Variants in HNF4G observed in about 807,000 individuals in gnomAD.
HNF4G encodes the protein hepatocyte nuclear factor 4 gamma.
A neutral mutation model predicts 50.9 loss-of-function variants in HNF4G; 21 were observed. The ratio of observed to expected loss-of-function variants is 0.41; its 90% confidence interval spans 0.29 to 0.59. The LOEUF (loss-of-function observed/expected upper bound fraction) is 0.59, where lower values mean the gene tolerates loss of function less well. Among genes scored for constraint, HNF4G ranks in the 20% least tolerant of loss-of-function variants. HNF4G has a pLI of 0.26. For missense variants in HNF4G, 527 were observed against 559.4 expected (o/e 0.94, Z 0.58); for synonymous variants, 198 against 185.6 (o/e 1.07, Z -0.54).
intron 9 of HNF4G, among the ~76,000 whole-genome samples, chr8:75,560,738 G>C (rs540754127): frequency 6.6e-6 from 1 of 152,272 alleles, no homozygotes; most frequent in African/African-American, 2.4e-5. Flanking sequence ...GCTTTGCATG[G>C]TAGTGTGAGA....
intron 2 of HNF4G, among the ~76,000 whole-genome samples, chr8:75,545,273 A>T (rs1164903321): frequency 1.2e-5 from 1 of 82,334 alleles, no homozygotes; most frequent in Non-Finnish European, 2.5e-5. Flanking sequence ...GTGTGTGTGT[A>T]AAATGATGAT....
intron 1 of HNF4G, among the ~76,000 whole-genome samples, chr8:75,482,580 C>G (rs1459875236): frequency 6.6e-6 from 1 of 152,168 alleles, no homozygotes; most frequent in Non-Finnish European, 1.5e-5. Context: ...GTTGCCCAGG[C>G]TGGTCTTGAA....
At chr8:75,437,022 C>A (rs539776468) in intron 1 of HNF4G, among the ~76,000 whole-genome samples, 1 of 152,230 alleles carries the variant, frequency 6.6e-6, no homozygotes, top group East Asian at 1.9e-4. Context: ...TCAGCCTGGG[C>A]TGAGCATCAG....
intron 1 of HNF4G, among the ~76,000 whole-genome samples, chr8:75,487,229 T>C (rs1302406596): frequency 6.6e-6 from 1 of 152,158 alleles, no homozygotes; most frequent in Non-Finnish European, 1.5e-5. Flanking sequence ...TGTAATTGTA[T>C]GTGTAGATCA....
At chr8:75,470,425 A>T (rs1812088357) in intron 1 of HNF4G, among the ~76,000 whole-genome samples, 1 of 152,162 alleles carries the variant, frequency 6.6e-6, no homozygotes, top group South Asian at 2.1e-4. Context: ...TTCCAATTGT[A>T]GTCTATTATA....
chr8:75,533,074 T>G (rs1806371231), intron 2 of HNF4G, among the ~76,000 whole-genome samples: 1 of 152,152 alleles, frequency 6.6e-6, no homozygotes, highest in South Asian at 2.1e-4. Context: ...TAGAAAAGCA[T>G]TTGACACATA....
chr8:75,466,744 G>A (rs1811998909), intron 1 of HNF4G, among the ~76,000 whole-genome samples: 1 of 148,632 alleles, frequency 6.7e-6, no homozygotes, highest in Non-Finnish European at 1.5e-5. Context: ...CCCAGGCTGA[G>A]TGTGATTTCA....
intron 1 of HNF4G, among the ~76,000 whole-genome samples, chr8:75,470,169 C>T (rs535081860): frequency 8.5e-5 from 13 of 152,288 alleles, no homozygotes; most frequent in East Asian, 3.9e-4. Flanking sequence ...GATTCTCTTA[C>T]GAAGTCAGTG....
chr8:75,559,448 AT>A lies in HNF4G; in HGVS notation c.1123+416del, dbSNP rs558241586. Among the ~76,000 whole-genome samples, 7 of 151,892 alleles carry A rather than the reference AT, an allele frequency of 4.6e-5. No homozygotes were observed. The South Asian group carries it at 1.5e-3, about 32-fold the overall frequency. On this transcript the variant is annotated intron_variant, in intron 8 of 9. Coordinates refer to ENST00000396423, the MANE Select transcript of HNF4G (RefSeq NM_004133.5). ...ACCACCACGCCTGGCTAATTTTTGTATTTTTAGTAGAGACGGGGTTTCACCG... is the reference window on the plus strand; with the variant it reads ...ACCACCACGCCTGGCTAATTTTTGTATTTTAGTAGAGACGGGGTTTCACCG...
intron 2 of HNF4G, among the ~76,000 whole-genome samples, chr8:75,507,934 T>A (rs1216080442): frequency 6.6e-6 from 1 of 152,116 alleles, no homozygotes; most frequent in Non-Finnish European, 1.5e-5. Context: ...TAAGAGTTTT[T>A]AAATTAATTT....
rs934416522 is a variant in HNF4G, at chr8:75,418,503, A to G, written c.-144+10341A>G. ...GGTTCAAACATCTAGAATCAAAACC[A>G]TTTATGTTTACTTGTAGAAAGCTTT... On this transcript the variant is annotated intron_variant, in intron 1 of 10. Coordinates refer to the HNF4G transcript ENST00000354370. 1.1e-4 allele frequency among the ~76,000 whole-genome samples: 16 copies of G among 152,148 alleles called. 1 individual carries two copies. The highest frequency in any genetic ancestry group is 7.3e-5 in the Non-Finnish European group (5 of 68,034).
At chr8:75,516,433 T>G (rs1265682802) in intron 2 of HNF4G, among the ~76,000 whole-genome samples, 1 of 152,184 alleles carries the variant, frequency 6.6e-6, no homozygotes, top group African/African-American at 2.4e-5. Context: ...AAATTATACT[T>G]TATGTGATTT....
chr8:75,537,469 C>T (rs988070459), upstream of HNF4G, among the ~76,000 whole-genome samples: 4 of 152,040 alleles, frequency 2.6e-5, no homozygotes, highest in African/African-American at 9.7e-5. Flanking sequence ...TGGTCTCAAA[C>T]TCCTGGGCTC....
At chr8:75,536,391 T>C (rs1202023884), upstream of HNF4G, among the ~76,000 whole-genome samples, 1 of 151,922 alleles carries the variant, frequency 6.6e-6, no homozygotes, top group East Asian at 1.9e-4. Flanking sequence ...ATAACATAGG[T>C]CTTATTTATT....
At chr8:75,555,904 C>A in intron 5 of HNF4G, 78 bp from the exon 6 acceptor site, 1 of 774,660 alleles carries the variant, frequency 1.3e-6, no homozygotes, top group Non-Finnish European at 2.0e-6. Flanking sequence ...AAAGAACACT[C>A]TAAGTTAACA....
intron 2 of HNF4G, among the ~76,000 whole-genome samples, chr8:75,512,881 T>C (rs1369462815): frequency 2.6e-5 from 4 of 152,244 alleles, no homozygotes; most frequent in Admixed American, 6.5e-5. Context: ...TTTATTTTTA[T>C]ACATTACTAA....
chr8:75,429,058 C>A (rs1453058169), intron 1 of HNF4G, among the ~76,000 whole-genome samples: 3 of 152,112 alleles, frequency 2.0e-5, no homozygotes, highest in Admixed American at 1.3e-4. Context: ...ATATAAGGGA[C>A]TTCGTAATAA....
At chr8:75,536,328 C>T (rs530881153), upstream of HNF4G, among the ~76,000 whole-genome samples, 3 of 151,972 alleles carry the variant, frequency 2.0e-5, no homozygotes, top group East Asian at 1.9e-4. Flanking sequence ...CCAATTTAAC[C>T]TTTAGAAGTA....
At chr8:75,429,062 G>A (rs1036315843) in intron 1 of HNF4G, among the ~76,000 whole-genome samples, 37 of 152,130 alleles carry the variant, frequency 2.4e-4, no homozygotes, top group Admixed American at 5.2e-4. Flanking sequence ...AAGGGACTTC[G>A]TAATAATTTA....
Sources: gnomAD v4.1 joint callset for allele counts (sites outside exome capture counted in the v4.1 genomes callset) on GRCh38, gnomAD v4.1.1 for gene constraint, MANE v1.5 for transcripts, NCBI Gene and HGNC (gene_info 2026-07-23, HGNC 2026-07-21) for gene names.